The following FBXL13 variants were observed in gnomAD, a reference collection of about 807,000 sequenced individuals.
FBXL13 encodes the protein F-box and leucine rich repeat protein 13, also known as F-box and leucine-rich repeat protein 13.
A neutral mutation model predicts 83.6 loss-of-function variants in FBXL13; 67 were observed. That is an observed-to-expected ratio of 0.80 (90% CI 0.66 to 0.98). The LOEUF (loss-of-function observed/expected upper bound fraction) is 0.98. FBXL13 is among the 50% of genes least tolerant of loss of function. The pLI is 0.00. For missense variants in FBXL13, 822 were observed against 866.5 expected, an observed-to-expected ratio of 0.95 and a Z score of 0.64; for synonymous variants, 272 against 299.5, an observed-to-expected ratio of 0.91 and a Z score of 0.95.
intron 1 of FBXL13, among the ~76,000 whole-genome samples, chr7:103,057,348 G>A (rs946886967): frequency 5.9e-5 from 9 of 151,888 alleles, no homozygotes; most frequent in African/African-American, 2.2e-4. Flanking sequence ...CCAATCTGAA[G>A]ACATAACTAT....
chr7:102,911,177 G>A (rs1045296839), intron 11 of FBXL13, among the ~76,000 whole-genome samples: 3 of 152,180 alleles, frequency 2.0e-5, no homozygotes, highest in African/African-American at 7.2e-5. Context: ...CTCCAATTAT[G>A]TGTGTTTTGT....
chr7:102,854,710 T>A (rs1314604653), intron 17 of FBXL13, 67 bp downstream of exon 18: 1 of 988,988 alleles, frequency 1.0e-6, no homozygotes, highest in East Asian at 2.9e-5. Context: ...TTTTATTCAT[T>A]GGAAAAAAAA....
chr7:102,957,193 A>G (rs1352056779), intron 8 of FBXL13, among the ~76,000 whole-genome samples: 1 of 152,162 alleles, frequency 6.6e-6, no homozygotes, highest in Non-Finnish European at 1.5e-5. Context: ...AGATATATAC[A>G]CCAATGGAAC....
chr7:102,835,049 C>A (rs1049463426), intron 17 of FBXL13, among the ~76,000 whole-genome samples: 2 of 152,096 alleles, frequency 1.3e-5, no homozygotes, highest in African/African-American at 2.4e-5. Context: ...AATAAAGATG[C>A]ACAAATGTAT....
chr7:102,935,295 A>G (rs1229114846), intron 8 of FBXL13, among the ~76,000 whole-genome samples: 1 of 114,198 alleles, frequency 8.8e-6, no homozygotes, highest in Non-Finnish European at 1.6e-5. Flanking sequence ...TCTGATGCCC[A>G]GGCTGGAGTG....
chr7:102,823,291 C>A (rs374990113), intron 18 of FBXL13, among the ~76,000 whole-genome samples: 1 of 152,126 alleles, frequency 6.6e-6, no homozygotes, highest in East Asian at 1.9e-4. Context: ...TTACATGCTA[C>A]AAAACTACAA....
intron 9 of FBXL13, among the ~76,000 whole-genome samples, chr7:102,928,921 A>C (rs6465882): frequency 0.78 from 118,498 of 152,092 alleles, 46,509 homozygotes; most frequent in Middle Eastern, 0.84. Context: ...CTGATGTGAT[A>C]TTTGACATGT....
chr7:102,961,469 G>C (rs1256742353), intron 8 of FBXL13, among the ~76,000 whole-genome samples: 1 of 145,118 alleles, frequency 6.9e-6, no homozygotes, highest in Non-Finnish European at 1.5e-5. Flanking sequence ...TTTCTTCACA[G>C]AATTGGAAAA....
At chr7:102,813,031 T>C (rs1322749095), downstream of FBXL13, among the ~76,000 whole-genome samples, 1 of 151,930 alleles carries the variant, frequency 6.6e-6, no homozygotes, top group Non-Finnish European at 1.5e-5. Flanking sequence ...TTAGTAAAGA[T>C]GGGGTTTCAC....
intron 6 of FBXL13, chr7:102,978,435 G>C (rs529442973): frequency 6.5e-6 from 1 of 153,116 alleles, no homozygotes; most frequent in Non-Finnish European, 1.5e-5. Context: ...CAGCAAGATA[G>C]CAGAAGCAGG....
At chr7:102,851,489 T>TCTTCTC (rs1442844846) in intron 17 of FBXL13, among the ~76,000 whole-genome samples, 1 of 96,494 alleles carries the variant, frequency 1.0e-5, no homozygotes, top group Admixed American at 1.0e-4. Flanking sequence ...TCCCTTTCCT[T>TCTTCTC]CTTCTCCTTC....
chr7:103,015,438 C>A (rs990423992), intron 6 of FBXL13, among the ~76,000 whole-genome samples: 2 of 152,150 alleles, frequency 1.3e-5, no homozygotes, highest in East Asian at 1.9e-4. Flanking sequence ...ACCTAGAAAA[C>A]CCCACAGTCT....
At position 102,951,438 on chromosome 7, in the gene FBXL13, A is replaced by C. The variant is rs971586957; in HGVS notation, c.724+12095T>G. ...AAAAAAAAACGAAAAGAAAGCTCTT[A>C]AATCAATAACCTAACTTTTAACCTG... is the stretch of plus-strand genomic sequence containing the variant. On this transcript the variant is annotated intron_variant, in intron 8 of 19. Transcript: ENST00000313221. 7.9e-5 allele frequency among the ~76,000 whole-genome samples: 12 copies of C among 151,442 alleles called. No homozygotes were observed. In the East Asian group the frequency reaches 2.3e-3, roughly 29 times the overall value.
intron 10 of FBXL13, among the ~76,000 whole-genome samples, chr7:102,916,790 A>AC (rs1815956645): frequency 7.8e-6 from 1 of 127,758 alleles, no homozygotes; most frequent in East Asian, 3.6e-4. Context: ...ACTGTTTCTT[A>AC]TGGGGGGGGG....
At chr7:102,971,664 G>A (rs1826687730) in intron 6 of FBXL13, among the ~76,000 whole-genome samples, 1 of 151,826 alleles carries the variant, frequency 6.6e-6, no homozygotes, top group South Asian at 2.1e-4. Flanking sequence ...TACTTGAGAG[G>A]CTGAGGCAAG....
chr7:102,910,412 G>A (rs1347441964), intron 11 of FBXL13, among the ~76,000 whole-genome samples: 1 of 151,714 alleles, frequency 6.6e-6, no homozygotes. Flanking sequence ...TGTGTTGGGG[G>A]GAGGGGGTCT....
chr7:102,890,037 A>G (rs1023442600), intron 11 of FBXL13, among the ~76,000 whole-genome samples: 6 of 152,150 alleles, frequency 3.9e-5, no homozygotes, highest in Non-Finnish European at 8.8e-5. Context: ...AGGACTCTTT[A>G]GCTTTGTCCT....
chr7:102,829,506 C>CT (rs1283389168), intron 18 of FBXL13, among the ~76,000 whole-genome samples: 3 of 152,134 alleles, frequency 2.0e-5, no homozygotes, highest in African/African-American at 7.2e-5. Flanking sequence ...ACCCCCTTTT[C>CT]TTTCTAATCA....
At chr7:103,024,073 G>T (rs938232369) in intron 6 of FBXL13, among the ~76,000 whole-genome samples, 1 of 141,934 alleles carries the variant, frequency 7.0e-6, no homozygotes, top group Non-Finnish European at 1.5e-5. Context: ...CCTATGACAC[G>T]CAATTTACCT....
Sources: allele counts gnomAD v4.1 joint callset (sites outside exome capture counted in the v4.1 genomes callset), GRCh38; gene constraint gnomAD v4.1.1; transcripts MANE v1.5; gene names NCBI Gene and HGNC (gene_info 2026-07-23, HGNC 2026-07-21).